SLC6A17: variants seen among roughly 807,000 people sequenced by gnomAD.
The protein encoded by SLC6A17 is solute carrier family 6 member 17.
Under a neutral mutation model 64.5 loss-of-function variants are expected in SLC6A17, and 21 were observed. The ratio of observed to expected loss-of-function variants is 0.33; its 90% CI spans 0.23 to 0.47. The LOEUF is 0.47. SLC6A17 is among the 20% of genes least tolerant of loss of function. The probability of loss-of-function intolerance (pLI) is 1.00; values close to 1 mark genes in which losing one functional copy is unlikely to be tolerated. For synonymous variants in SLC6A17, 372 were observed against 399.5 expected (o/e 0.93, Z 0.82); for missense variants, 682 against 963.2 (o/e 0.71, Z 3.86).
In SLC6A17 at chr1:110,198,086, G is replaced by A. The variant is rs776163001; in HGVS notation, c.1826G>A (p.Arg609His). 1.1e-5 allele frequency: 18 copies of A among 1,611,716 alleles called. No individual in the cohort carries two copies. The highest frequency in any genetic ancestry group is 3.3e-5 in the South Asian group (3 of 91,014). ...GCAGCCCACCCGCAGGCTGCCGAGC[G>A]CTACCTGTATTTCCCCAACTGGGCC... Reference protein sequence around the residue: ...SAWIKEEAAERYLYFPNWAMA... With the variant: ...SAWIKEEAAEHYLYFPNWAMA... The change falls in exon 12 of 12, where the codon CGC becomes CAC. Residue 609 changes from arginine to histidine, a missense_variant. Transcript: ENST00000331565.
In SLC6A17 at chr1:110,199,883, G is replaced by A. The variant is rs1369662157; in HGVS notation, c.*1439G>A. 31 of 392,504 alleles carry A rather than the reference G, an allele frequency of 7.9e-5. No individual in the cohort carries two copies. The East Asian group carries it at 1.1e-3, about 14-fold the overall frequency. 24.3% of individuals were successfully genotyped at this position (392,504 alleles called of 1,614,324 possible). On this transcript the variant is annotated 3_prime_UTR_variant, in exon 12 of 12. Transcript: ENST00000331565. ...TAGATGGATGGATGGGTTGGGGAGTGGGGGTGGATGGATGGATAGATGGAT... is the reference window on the plus strand; with the variant it reads ...TAGATGGATGGATGGGTTGGGGAGTAGGGGTGGATGGATGGATAGATGGAT...
intron 6 of SLC6A17, among the ~76,000 whole-genome samples, chr1:110,190,866 T>C (rs968123099): frequency 1.3e-5 from 2 of 152,206 alleles, no homozygotes; most frequent in South Asian, 2.1e-4. Flanking sequence ...AGAATATCTA[T>C]ATTTTAGTTA....
rs191332084 is a variant in SLC6A17, at chr1:110,179,975, C to T, written c.864+3236C>T. Among the ~76,000 whole-genome samples the T allele has an allele frequency of 1.1e-4, 17 of 152,242 alleles. No homozygotes were observed. In the East Asian group the frequency reaches 1.2e-3, roughly 10 times the overall value. ...AAAAATCAAATCCAGGAGCCAGGCA[C>T]GGTGGCGTGTGCCTGTAATTTCAGC... On this transcript the variant is annotated intron_variant, in intron 6 of 11. Transcript: ENST00000331565.
intron 5 of SLC6A17, 62 bp downstream of exon 5, chr1:110,175,022 C>T (rs1269482898): frequency 6.4e-7 from 1 of 1,556,272 alleles, no homozygotes; most frequent in Non-Finnish European, 8.7e-7. Context: ...ACAGAGGGCA[C>T]AGGGCTAAGA....
intron 9 of SLC6A17, among the ~76,000 whole-genome samples, chr1:110,195,195 C>A (rs1315870231): frequency 1.3e-5 from 2 of 152,220 alleles, no homozygotes; most frequent in African/African-American, 4.8e-5. Flanking sequence ...TAGAGGGATA[C>A]CTCTCATCTG....
chr1:110,175,922 G>A (rs1322707476), intron 5 of SLC6A17, among the ~76,000 whole-genome samples: 1 of 152,206 alleles, frequency 6.6e-6, no homozygotes, highest in Non-Finnish European at 1.5e-5. Flanking sequence ...GGAGGCTCAT[G>A]GAGGTTAAAT....
chr1:110,198,894 A>AC lies in SLC6A17; in HGVS notation c.*450_*451insC. On this transcript the variant is annotated 3_prime_UTR_variant, in exon 12 of 12. Coordinates refer to ENST00000331565, the MANE Select transcript of SLC6A17 (RefSeq NM_001010898.4). ...AGAGTGGACTTTGGCTCACTCTGCC[A>AC]TGAGAACAGGACACCATCCTGCCCA... The AC allele has an allele frequency of 6.0e-6, 1 of 165,674 alleles. No individual in the cohort carries two copies. Among genetic ancestry groups the AC allele is most frequent in the Non-Finnish European group, 1.3e-5 (1 of 76,476 alleles). The allele number at this position is 165,674 out of a possible 1,614,324, so 10.3% of individuals were successfully genotyped here.
intron 10 of SLC6A17, 26 bp from the exon 11 acceptor site, chr1:110,197,411 G>T: frequency 6.3e-7 from 1 of 1,596,584 alleles, no homozygotes. Flanking sequence ...GATGCCAACT[G>T]CTGGACCCTC....
At position 110,176,688 on chromosome 1, in the gene SLC6A17, G is replaced by T; in HGVS notation, c.813G>T (p.Gly271=). Residue 271 remains glycine (G), a synonymous_variant, in exon 6 of 12, where the codon GGG becomes GGT. Coordinates refer to ENST00000331565, the MANE Select transcript of SLC6A17 (RefSeq NM_001010898.4). ...TGCTGGCCTGCTTCCTGGTCCGGGG[G>T]CTGTTGCTGCGAGGGGCAGTTGATG... ...YVVLACFLVR[G]LLLRGAVDGI... is the part of the protein sequence containing the mutation. 2 of 1,614,066 alleles carry T rather than the reference G, an allele frequency of 1.2e-6. No homozygotes were observed. Among genetic ancestry groups the T allele is most frequent in the Non-Finnish European group, 1.7e-6 (2 of 1,179,962 alleles).
At chr1:110,171,295 A>C (rs1656217300) in intron 2 of SLC6A17, among the ~76,000 whole-genome samples, 1 of 152,130 alleles carries the variant, frequency 6.6e-6, no homozygotes, top group South Asian at 2.1e-4. Flanking sequence ...AGCAGGGTGC[A>C]CTCATCTGTG....
At chr1:110,173,867 G>A (rs1318270712) in intron 3 of SLC6A17, 106 bp from the exon 4 acceptor site, 1 of 1,500,974 alleles carries the variant, frequency 6.7e-7, no homozygotes, top group East Asian at 2.4e-5. Context: ...TTGAGGCTGT[G>A]CTGCTGTGTT....
chr1:110,185,360 C>T (rs561702870), intron 6 of SLC6A17, among the ~76,000 whole-genome samples: 11 of 152,350 alleles, frequency 7.2e-5, no homozygotes, highest in African/African-American at 1.4e-4. Flanking sequence ...TGCTCCAGTG[C>T]CATCTGGTGC....
At chr1:110,195,472 G>A (rs1656936465) in intron 9 of SLC6A17, 114 bp from the exon 10 acceptor site, 5 of 1,312,094 alleles carry the variant, frequency 3.8e-6, no homozygotes, top group South Asian at 1.4e-5. Context: ...CAGGAGGGCT[G>A]CAGGCATGCT....
At chr1:110,183,560 A>G (rs1231760161) in intron 6 of SLC6A17, among the ~76,000 whole-genome samples, 2 of 152,224 alleles carry the variant, frequency 1.3e-5, no homozygotes, top group African/African-American at 4.8e-5. Flanking sequence ...GGTAATAGTT[A>G]CACAACAGTG....
At chr1:110,180,330 G>T (rs1429899288) in intron 6 of SLC6A17, among the ~76,000 whole-genome samples, 1 of 152,164 alleles carries the variant, frequency 6.6e-6, no homozygotes, top group Admixed American at 6.5e-5. Flanking sequence ...TCCTGGGAAT[G>T]GCTAAAAACA....
intron 1 of SLC6A17, among the ~76,000 whole-genome samples, chr1:110,157,682 C>T (rs757128973): frequency 2.0e-5 from 3 of 152,168 alleles, no homozygotes; most frequent in Non-Finnish European, 4.4e-5. Flanking sequence ...TGAAAGAAAA[C>T]CCCAACTCCT....
chr1:110,175,541 G>C (rs1656352816), intron 5 of SLC6A17, among the ~76,000 whole-genome samples: 1 of 152,150 alleles, frequency 6.6e-6, no homozygotes, highest in Non-Finnish European at 1.5e-5. Context: ...AGTATTCATG[G>C]GCTGCCAGGG....
intron 8 of SLC6A17, among the ~76,000 whole-genome samples, chr1:110,193,286 CA>C (rs1656878857): frequency 1.3e-5 from 2 of 152,192 alleles, no homozygotes; most frequent in African/African-American, 4.8e-5. Flanking sequence ...TGCCCCTCCC[CA>C]ACCTGTCCCC....
At chr1:110,177,660 ACTATAG>A (rs1227801031) in intron 6 of SLC6A17, 2 of 152,324 alleles carry the variant, frequency 1.3e-5, no homozygotes, top group Non-Finnish European at 2.9e-5. Context: ...ACCTGGTGAG[ACTATAG>A]CCCATGGGCA....
Sources: allele counts gnomAD v4.1 joint callset (sites outside exome capture counted in the v4.1 genomes callset), GRCh38; gene constraint gnomAD v4.1.1; transcripts MANE v1.5; gene names NCBI Gene and HGNC (gene_info 2026-07-23, HGNC 2026-07-21).